The following PDE4D variants were observed in gnomAD, a reference collection of about 807,000 sequenced individuals.
PDE4D encodes the protein 3',5'-cyclic-AMP phosphodiesterase 4D.
In PDE4D, 24 loss-of-function variants were observed where a neutral mutation model predicts 87.4. The observed-to-expected ratio is 0.27, with a 90% CI of 0.20 to 0.39. The LOEUF (loss-of-function observed/expected upper bound fraction) is 0.39. Among genes scored for constraint, PDE4D ranks in the 10% least tolerant of loss-of-function variants. The pLI, the probability that PDE4D is intolerant of heterozygous loss-of-function variation, is 1.00. For missense variants in PDE4D, 714 were observed against 1,041.0 expected (o/e 0.69, Z 4.32); for synonymous variants, 384 against 383.2 (o/e 1.00, Z -0.02).
intron 1 of PDE4D, among the ~76,000 whole-genome samples, chr5:60,373,926 C>T (rs963766509): frequency 1.6e-4 from 25 of 152,254 alleles, no homozygotes; most frequent in African/African-American, 5.1e-4. Context: ...TCTTGAGGAC[C>T]CTTGTGATTA....
intron 2 of PDE4D, among the ~76,000 whole-genome samples, chr5:60,068,824 A>T (rs1046877636): frequency 1.3e-5 from 2 of 151,854 alleles, no homozygotes; most frequent in Non-Finnish European, 2.9e-5. Context: ...CTGGCCTCGA[A>T]CTCCTGAGCT....
chr5:59,068,612 C>A (rs969221034), intron 5 of PDE4D, among the ~76,000 whole-genome samples: 1 of 152,082 alleles, frequency 6.6e-6, no homozygotes. Flanking sequence ...CCAAAAAAGA[C>A]AATTTATTTC....
chr5:59,385,212 C>A (rs763097276), intron 1 of PDE4D, among the ~76,000 whole-genome samples: 21 of 152,106 alleles, frequency 1.4e-4, no homozygotes, highest in Non-Finnish European at 2.1e-4. Flanking sequence ...TCTGTTATTT[C>A]CCGTGTTGAT....
chr5:60,015,326 A>T (rs1489313505), intron 2 of PDE4D, among the ~76,000 whole-genome samples: 1 of 152,200 alleles, frequency 6.6e-6, no homozygotes, highest in Non-Finnish European at 1.5e-5. Context: ...ATCCCTGCCC[A>T]CATATGCTAT....
chr5:59,595,487 C>T (rs1006932883), intron 1 of PDE4D, among the ~76,000 whole-genome samples: 3 of 152,062 alleles, frequency 2.0e-5, no homozygotes, highest in African/African-American at 4.8e-5. Flanking sequence ...GGTTTACCAC[C>T]GATTTTTATG....
At chr5:60,475,823 G>GAAAAAAAAAAAAAA (rs397792795) in intron 1 of PDE4D, among the ~76,000 whole-genome samples, 3 of 95,062 alleles carry the variant, frequency 3.2e-5, no homozygotes, top group Non-Finnish European at 6.7e-5. Flanking sequence ...TCTGTTAAAT[G>GAAAAAAAAAAAAAA]AAAAAAAAAA....
At chr5:59,463,413 C>T (rs761499854) in intron 1 of PDE4D, among the ~76,000 whole-genome samples, 2 of 152,010 alleles carry the variant, frequency 1.3e-5, no homozygotes, top group Non-Finnish European at 2.9e-5. Flanking sequence ...TTCTTACCAG[C>T]GAAAGAAAAT....
intron 1 of PDE4D, among the ~76,000 whole-genome samples, chr5:59,827,415 A>T (rs1340332062): frequency 6.6e-6 from 1 of 152,154 alleles, no homozygotes; most frequent in Non-Finnish European, 1.5e-5. Flanking sequence ...ATGTGTCTTT[A>T]TCTGATCACA....
intron 3 of PDE4D, among the ~76,000 whole-genome samples, chr5:59,910,041 C>T (rs534872930): frequency 6.6e-6 from 1 of 152,286 alleles, no homozygotes; most frequent in African/African-American, 2.4e-5. Flanking sequence ...CGTTCAACTC[C>T]AAACACAAGG....
At chr5:59,362,474 C>A (rs1174513128) in intron 1 of PDE4D, among the ~76,000 whole-genome samples, 1 of 151,742 alleles carries the variant, frequency 6.6e-6, no homozygotes, top group Admixed American at 6.6e-5. Flanking sequence ...TTATTTGCAG[C>A]ATTAAAACCC....
chr5:59,613,994 C>CA lies in PDE4D; in HGVS notation c.455+279173dup, dbSNP rs1322193971. Among the ~76,000 whole-genome samples, 2 of 151,818 alleles carry CA rather than the reference C, an allele frequency of 1.3e-5. 1 individual carries two copies. Among genetic ancestry groups the CA allele is most frequent in the Non-Finnish European group, 2.9e-5 (2 of 67,926 alleles). ...AAAAACTTTTTTCTTAATTTTTTTA[C>CA]AAAAAAATTTTTCTATAACTCAAAA... On this transcript the variant is annotated intron_variant, in intron 1 of 14. Coordinates refer to ENST00000340635, the MANE Select transcript of PDE4D (RefSeq NM_001104631.2).
At chr5:59,413,689 C>T (rs1793109746) in intron 1 of PDE4D, among the ~76,000 whole-genome samples, 1 of 152,046 alleles carries the variant, frequency 6.6e-6, no homozygotes, top group South Asian at 2.1e-4. Flanking sequence ...ATAATAACAT[C>T]AAACAGCTTT....
intron 1 of PDE4D, among the ~76,000 whole-genome samples, chr5:59,364,414 T>C (rs900357018): frequency 2.6e-5 from 4 of 152,360 alleles, no homozygotes; most frequent in African/African-American, 7.2e-5. Flanking sequence ...ACCTTAAAAA[T>C]GTAGAAGTAA....
At chr5:60,182,725 A>C (rs140120203) in intron 2 of PDE4D, among the ~76,000 whole-genome samples, 3,776 of 152,038 alleles carry the variant, frequency 0.025, 61 homozygotes, top group Middle Eastern at 0.037. Context: ...AAAAATGCCA[A>C]AAAAATTAGC....
At chr5:59,683,511 C>G (rs1035583904) in intron 1 of PDE4D, among the ~76,000 whole-genome samples, 1 of 152,158 alleles carries the variant, frequency 6.6e-6, no homozygotes, top group Admixed American at 6.5e-5. Flanking sequence ...ATAAAGCACA[C>G]TCAGCATAAA....
chr5:60,236,969 T>A (rs1374342135), intron 1 of PDE4D, among the ~76,000 whole-genome samples: 1 of 152,016 alleles, frequency 6.6e-6, no homozygotes, highest in Non-Finnish European at 1.5e-5. Context: ...AGTTTACAGT[T>A]ATTTGTTACA....
chr5:60,045,201 A>T (rs1769060754), intron 2 of PDE4D, among the ~76,000 whole-genome samples: 1 of 151,570 alleles, frequency 6.6e-6, no homozygotes, highest in South Asian at 2.1e-4. Context: ...CCACTTTTTG[A>T]TGGGGTTGTT....
At chr5:60,306,942 C>A (rs1165566749) in intron 1 of PDE4D, among the ~76,000 whole-genome samples, 1 of 151,982 alleles carries the variant, frequency 6.6e-6, no homozygotes, top group Non-Finnish European at 1.5e-5. Flanking sequence ...CATAGATAAA[C>A]AATGGAAGCC....
In PDE4D at chr5:59,790,982, G is replaced by A. The variant is rs984425291; in HGVS notation, c.455+102186C>T. Among the ~76,000 whole-genome samples, 3 of 152,298 alleles carry A rather than the reference G, an allele frequency of 2.0e-5. No individual in the cohort carries two copies. The South Asian group carries it at 6.2e-4, about 32-fold the overall frequency. ...TGTGCCCATGTGGTGAGCACAGGGA[G>A]GTGGGAGTGCACTGTTAATTCTCTT... On this transcript the variant is annotated intron_variant, in intron 1 of 14. Coordinates refer to ENST00000340635, the MANE Select transcript of PDE4D (RefSeq NM_001104631.2).
Sources: gnomAD v4.1 joint callset for allele counts (sites outside exome capture counted in the v4.1 genomes callset) on GRCh38, gnomAD v4.1.1 for gene constraint, MANE v1.5 for transcripts, NCBI Gene and HGNC (gene_info 2026-07-23, HGNC 2026-07-21) for gene names.